The following IFIT3 variants were observed in gnomAD, a reference collection of about 807,000 sequenced individuals.
IFIT3 encodes the protein interferon-induced protein with tetratricopeptide repeats 3.
IFIT3 carries 2 observed loss-of-function variants against 2.4 expected under a neutral mutation model. The ratio of observed to expected loss-of-function variants is 0.82; its 90% confidence interval spans 0.34 to 2.60. The LOEUF (loss-of-function observed/expected upper bound fraction) is 2.60, where lower values mean the gene tolerates loss of function less well. Ranked by LOEUF, IFIT3 falls within the 30% of genes most tolerant of loss-of-function variation. IFIT3 has a pLI of 0.11. For missense variants in IFIT3, 481 were observed against 562.4 expected, an observed-to-expected ratio of 0.86 and a Z score of 1.46; for synonymous variants, 203 against 212.1, an observed-to-expected ratio of 0.96 and a Z score of 0.37.
intron 1 of IFIT3, among the ~76,000 whole-genome samples, chr10:89,330,642 AT>A (rs1251614926): frequency 2.6e-5 from 4 of 152,200 alleles, no homozygotes; most frequent in Non-Finnish European, 5.9e-5. Context: ...ATCCTAGGGC[AT>A]TTTAAGGATA....
rs1218369685 is a variant in IFIT3, at chr10:89,339,300, G to A, written c.645G>A (p.Leu215=). 9 of 1,613,994 alleles carry A rather than the reference G, an allele frequency of 5.6e-6. No homozygotes were observed. The highest frequency in any genetic ancestry group is 7.6e-6 in the Non-Finnish European group (9 of 1,179,954). Residue 215 remains leucine, a synonymous_variant, in exon 2 of 2, where the codon CTG becomes CTA. Transcript: ENST00000371818. ...AATACGTCAAGGTTCTCTTGGGCCT[G>A]AAACTGCAGAAGATGAATAAAGAAG... ...DNQYVKVLLG[L]KLQKMNKEAE...
intron 1 of IFIT3, chr10:89,332,539 C>T: frequency 1.9e-6 from 3 of 1,613,184 alleles, no homozygotes; most frequent in Non-Finnish European, 2.5e-6. Context: ...GTGGAAACCT[C>T]TTCAGCATTT....
intron 1 of IFIT3, among the ~76,000 whole-genome samples, chr10:89,334,773 G>A (rs1036204656): frequency 2.6e-5 from 4 of 151,434 alleles, no homozygotes; most frequent in African/African-American, 7.3e-5. Flanking sequence ...TTACAGGTGT[G>A]AGCCACCGCG....
At position 89,328,095 on chromosome 10, in the gene IFIT3, TGC is replaced by T; in HGVS notation, c.5+18_5+19del. ...AGTCATGAGGTCAGTGAAATAAGAA[TGC>T]ATAATCATGCTTGTTTTTGAGTGCA... On this transcript the variant is annotated intron_variant, in intron 1 of 1. Transcript: ENST00000371818. 1 of 1,613,264 alleles carries T rather than the reference TGC, an allele frequency of 6.2e-7. No individual in the cohort carries two copies. Among genetic ancestry groups the T allele is most frequent in the Non-Finnish European group, 8.5e-7 (1 of 1,179,224 alleles).
chr10:89,331,453 G>T (rs907042501), intron 1 of IFIT3, among the ~76,000 whole-genome samples: 3 of 152,148 alleles, frequency 2.0e-5, no homozygotes, highest in Admixed American at 2.0e-4. Context: ...GATTACAGGC[G>T]TGAGCCTCCG....
In IFIT3 at chr10:89,332,583, C is replaced by T. The variant is rs767279566; in HGVS notation, c.5+4505C>T. The T allele has an allele frequency of 2.5e-5, 40 of 1,613,990 alleles. 1 individual carries two copies. The East Asian group carries it at 6.5e-4, about 26-fold the overall frequency. ...TCAGTAAGCTAAAAACAAAATCAAC[C>T]GGGACCCCAGCTTTTCAGAACTGCA... is the stretch of plus-strand genomic sequence containing the variant. On this transcript the variant is annotated intron_variant, in intron 1 of 1. Transcript: ENST00000371818.
chr10:89,338,576 G>A, intron 1 of IFIT3, 85 bp from the exon 2 acceptor site: 1 of 1,319,850 alleles, frequency 7.6e-7, no homozygotes, highest in East Asian at 2.3e-5. Flanking sequence ...CTGTGGCCCA[G>A]TTCAATTGAC....
chr10:89,332,488 C>G lies in IFIT3; in HGVS notation c.5+4410C>G. ...ATAGGGTTCCATCAGTTTCACTTTCCTTTCCCCTTTCATAAAAGCACAGAC... is the reference window on the plus strand; with the variant it reads ...ATAGGGTTCCATCAGTTTCACTTTCGTTTCCCCTTTCATAAAAGCACAGAC... On this transcript the variant is annotated intron_variant, in intron 1 of 1. Coordinates refer to ENST00000371818, the MANE Select transcript of IFIT3 (RefSeq NM_001549.6). 3 of 1,556,066 alleles carry G rather than the reference C, an allele frequency of 1.9e-6. No homozygotes were observed. The South Asian group carries it at 3.6e-5, about 19-fold the overall frequency.
chr10:89,334,528 C>CTTTTTTTTTTTTTT, intron 1 of IFIT3, among the ~76,000 whole-genome samples: 1 of 53,900 alleles, frequency 1.9e-5, no homozygotes, highest in Non-Finnish European at 3.4e-5. Context: ...CGGAGTTTTG[C>CTTTTTTTTTTTTTT]TCTTTCGCCC....
At chr10:89,336,353 A>T (rs986150846) in intron 1 of IFIT3, among the ~76,000 whole-genome samples, 1 of 152,180 alleles carries the variant, frequency 6.6e-6, no homozygotes, top group African/African-American at 2.4e-5. Flanking sequence ...GCACACACAT[A>T]AAGAGGCTAG....
At chr10:89,337,704 G>A (rs760446060) in intron 1 of IFIT3, among the ~76,000 whole-genome samples, 9 of 152,170 alleles carry the variant, frequency 5.9e-5, no homozygotes, top group African/African-American at 1.2e-4. Context: ...TGGCTGACTT[G>A]GTAATTGAGC....
intron 1 of IFIT3, among the ~76,000 whole-genome samples, chr10:89,336,796 A>G (rs1843748138): frequency 6.6e-6 from 1 of 152,152 alleles, no homozygotes; most frequent in Non-Finnish European, 1.5e-5. Context: ...AAAAATAAGG[A>G]CACTTGGTTT....
chr10:89,340,085 C>G lies in IFIT3; in HGVS notation c.1430C>G (p.Ser477Cys). The change falls in exon 2 of 2, where the codon TCC becomes TGC. Residue 477 changes from serine to cysteine, a missense_variant. Transcript: ENST00000371818. ...GAAATGGGCCAGGGCGCAGTCAGCT[C>G]CAGTCCCAGAGAGCTCCTCTCTAAC... ...SEEMGQGAVS[S>C]SPRELLSNSE... is the part of the protein sequence containing the mutation. 1.2e-6 allele frequency: 2 copies of G among 1,612,036 alleles called. No homozygotes were observed. The highest frequency in any genetic ancestry group is 2.2e-5 in the East Asian group (1 of 44,862).
chr10:89,337,022 T>G (rs1174154225), intron 1 of IFIT3, among the ~76,000 whole-genome samples: 1 of 152,192 alleles, frequency 6.6e-6, no homozygotes, highest in Non-Finnish European at 1.5e-5. Context: ...ATGAGTCCAT[T>G]TTGTTTGTTT....
Position 89,339,853 on chromosome 10 carries a change from G to T in IFIT3, c.1198G>T (p.Asp400Tyr). The T allele has an allele frequency of 6.2e-7, 1 of 1,614,156 alleles. No homozygotes were observed. Among genetic ancestry groups the T allele is most frequent in the East Asian group, 2.2e-5 (1 of 44,890 alleles). ...KKSTDKEEIK[D>Y]QPQNVSENLL... ...ATCAACTGACAAGGAAGAGATCAAA[G>T]ACCAACCACAGAATGTATCTGAAAA... Residue 400 changes from aspartate to tyrosine, a missense_variant, in exon 2 of 2, where the codon GAC becomes TAC. Physicochemically the swap from Asp to Tyr is radical, Grantham distance 160 (BLOSUM62 -3). Coordinates refer to ENST00000371818, the MANE Select transcript of IFIT3 (RefSeq NM_001549.6).
At chr10:89,333,125 T>C (rs1042463585) in intron 1 of IFIT3, among the ~76,000 whole-genome samples, 2 of 152,226 alleles carry the variant, frequency 1.3e-5, no homozygotes, top group Non-Finnish European at 2.9e-5. Flanking sequence ...AATGCACTTT[T>C]TCATAATTGG....
At chr10:89,337,244 A>T (rs11203076) in intron 1 of IFIT3, among the ~76,000 whole-genome samples, 8,544 of 152,230 alleles carry the variant, frequency 0.056, 663 homozygotes, top group African/African-American at 0.18. Flanking sequence ...TGGCGGGCAG[A>T]GAAGGTTGGG....
chr10:89,331,126 A>T (rs1020498481), intron 1 of IFIT3, among the ~76,000 whole-genome samples: 3 of 152,158 alleles, frequency 2.0e-5, no homozygotes, highest in African/African-American at 7.2e-5. Flanking sequence ...GCAAAGACAG[A>T]GGTGTTCAAC....
rs931787323 is a variant in IFIT3 at position 89,340,809 on chromosome 10, T to C, written c.*681T>C. The C allele has an allele frequency of 6.6e-6, 1 of 152,178 alleles. No homozygotes were observed. The highest frequency in any genetic ancestry group is 2.1e-4 in the South Asian group (1 of 4,828). 9.4% of individuals were successfully genotyped at this position (152,178 alleles called of 1,614,324 possible). On this transcript the variant is annotated 3_prime_UTR_variant, in exon 2 of 2. Coordinates refer to ENST00000371818, the MANE Select transcript of IFIT3 (RefSeq NM_001549.6). ...GTCTCATCTCATTTTCATCCAGACT[T>C]CTGGAACTCAAAGATTAACTTTTGA...
Sources: allele counts gnomAD v4.1 joint callset (sites outside exome capture counted in the v4.1 genomes callset), GRCh38; gene constraint gnomAD v4.1.1; transcripts MANE v1.5; gene names NCBI Gene and HGNC (gene_info 2026-07-23, HGNC 2026-07-21).